KIFC3: variants seen among roughly 807,000 people sequenced by gnomAD.
KIFC3 encodes kinesin-like protein KIFC3.
KIFC3 carries 60 observed loss-of-function variants against 101.8 expected under a neutral mutation model. The ratio of observed to expected loss-of-function variants is 0.59; its 90% CI spans 0.48 to 0.73. The LOEUF is 0.73. Among genes scored for constraint, KIFC3 ranks in the 30% least tolerant of loss-of-function variants. The probability of loss-of-function intolerance (pLI) is 0.00; values close to 1 mark genes in which losing one functional copy is unlikely to be tolerated. For synonymous variants in KIFC3, 476 were observed against 482.7 expected (o/e 0.99, Z 0.18); for missense variants, 966 against 1,137.1 (o/e 0.85, Z 2.16).
At chr16:57,851,842 C>T (rs1292786164) in intron 1 of KIFC3, among the ~76,000 whole-genome samples, 7 of 145,174 alleles carry the variant, frequency 4.8e-5, no homozygotes, top group East Asian at 2.0e-4. Context: ...CAGGTTCACG[C>T]GATTCTCCTG....
At chr16:57,828,048 G>A (rs2055494801) in intron 1 of KIFC3, among the ~76,000 whole-genome samples, 1 of 152,198 alleles carries the variant, frequency 6.6e-6, no homozygotes, top group Non-Finnish European at 1.5e-5. Flanking sequence ...CCACCAGTAA[G>A]GAGCAGGCTG....
chr16:57,776,353 T>G, intron 3 of KIFC3: 1 of 985,224 alleles, frequency 1.0e-6, no homozygotes, highest in Non-Finnish European at 1.2e-6. Flanking sequence ...ATCTGTCCCC[T>G]GTCCACGCCA....
Position 57,813,827 on chromosome 16 carries a change from A to G in KIFC3, c.109-15545T>C, listed in dbSNP as rs1159580787. 7 of 985,310 alleles carry G rather than the reference A, an allele frequency of 7.1e-6. No homozygotes were observed. The African/African-American group carries it at 1.2e-4, about 17-fold the overall frequency. The allele number at this position is 985,310 out of a possible 1,614,324, so 61.0% of individuals were successfully genotyped here. ...AGGCATCTCCAGAGTCACAGCCTGAAGACAGAACCCCATGCTCTCCTGGAC... is the reference window on the plus strand; with the variant it reads ...AGGCATCTCCAGAGTCACAGCCTGAGGACAGAACCCCATGCTCTCCTGGAC... On this transcript the variant is annotated intron_variant, in intron 1 of 2. Transcript: ENST00000563028.
At position 57,780,520 on chromosome 16, in the gene KIFC3, A is replaced by AAT. The variant is rs1237659635; in HGVS notation, c.316-8234_316-8233dup. Among the ~76,000 whole-genome samples, 11 of 150,862 alleles carry AAT rather than the reference A, an allele frequency of 7.3e-5. No individual in the cohort carries two copies. In the East Asian group the frequency reaches 1.4e-3, roughly 19 times the overall value. On this transcript the variant is annotated intron_variant, in intron 3 of 19. Transcript: ENST00000445690. ...AGCAAGATTCTCTCTCAAGAAAAAA[A>AAT]ATATATATATATGCTTAAGATGGTA...
chr16:57,765,661 G>T, intron 10 of KIFC3, 21 bp from the exon 11 acceptor site: 1 of 1,598,968 alleles, frequency 6.3e-7, no homozygotes, highest in Non-Finnish European at 8.5e-7. Flanking sequence ...TGGGGATGGG[G>T]AAATGGGTCC....
intron 3 of KIFC3, among the ~76,000 whole-genome samples, chr16:57,777,253 G>A (rs1007048535): frequency 6.6e-6 from 1 of 152,216 alleles, no homozygotes; most frequent in East Asian, 1.9e-4. Context: ...ATTTAATATT[G>A]ATAAGGTGTC....
chr16:57,818,502 T>C (rs548200763), intron 1 of KIFC3, among the ~76,000 whole-genome samples: 9 of 152,136 alleles, frequency 5.9e-5, no homozygotes, highest in South Asian at 2.1e-4. Flanking sequence ...ATAGCGGGGA[T>C]TATAGGCATG....
At chr16:57,838,938 C>A (rs1333954317) in intron 1 of KIFC3, among the ~76,000 whole-genome samples, 3 of 152,156 alleles carry the variant, frequency 2.0e-5, no homozygotes, top group Non-Finnish European at 1.5e-5. Context: ...CTGGGAAACA[C>A]TGGGGAGGCC....
At chr16:57,842,999 GGT>G (rs2055843357) in intron 1 of KIFC3, among the ~76,000 whole-genome samples, 2 of 152,064 alleles carry the variant, frequency 1.3e-5, no homozygotes, top group Admixed American at 1.3e-4. Context: ...CAGGCATGGT[GGT>G]GCAAGCCTGT....
At chr16:57,777,657 G>T (rs1199081539) in intron 3 of KIFC3, among the ~76,000 whole-genome samples, 4 of 151,910 alleles carry the variant, frequency 2.6e-5, no homozygotes, top group Non-Finnish European at 5.9e-5. Context: ...AGAGGCAGAG[G>T]TCGCAGTGAG....
At chr16:57,797,275 G>A (rs550152139) in intron 2 of KIFC3, among the ~76,000 whole-genome samples, 5 of 152,302 alleles carry the variant, frequency 3.3e-5, no homozygotes, top group African/African-American at 4.8e-5. Context: ...TGTAGGTCAC[G>A]AGGGACAGGG....
At chr16:57,776,597 TATGCG>T (rs1555611983) in intron 3 of KIFC3, 1 of 180,638 alleles carries the variant, frequency 5.5e-6, no homozygotes, top group African/African-American at 2.4e-5. Flanking sequence ...CGAGATGATA[TATGCG>T]AAGGCAGGGA....
At chr16:57,847,053 C>T (rs1235891448) in intron 1 of KIFC3, among the ~76,000 whole-genome samples, 1 of 151,620 alleles carries the variant, frequency 6.6e-6, no homozygotes. Flanking sequence ...CGTGTGCTGG[C>T]GAACACCTGT....
At chr16:57,857,914 C>T (rs1347300806) in intron 1 of KIFC3, among the ~76,000 whole-genome samples, 1 of 145,622 alleles carries the variant, frequency 6.9e-6, no homozygotes, top group African/African-American at 2.5e-5. Flanking sequence ...GCAACTTCCG[C>T]CTCCTGGGTT....
intron 1 of KIFC3, among the ~76,000 whole-genome samples, chr16:57,810,011 G>A (rs1480142354): frequency 6.6e-6 from 1 of 152,080 alleles, no homozygotes; most frequent in Non-Finnish European, 1.5e-5. Context: ...ATCCCTGCCT[G>A]CTGTTAAGCC....
intron 1 of KIFC3, among the ~76,000 whole-genome samples, chr16:57,858,293 G>A (rs982841999): frequency 6.6e-6 from 1 of 152,118 alleles, no homozygotes; most frequent in African/African-American, 2.4e-5. Context: ...TCCATTATAT[G>A]TCTTCCCGGG....
chr16:57,773,511 G>T (rs1270358918), intron 3 of KIFC3, among the ~76,000 whole-genome samples: 1 of 152,196 alleles, frequency 6.6e-6, no homozygotes, highest in East Asian at 1.9e-4. Context: ...AAACTCAGCC[G>T]AGTGCACCAG....
At chr16:57,759,229 C>T (rs1160786578) in intron 18 of KIFC3, 76 bp from the exon 19 acceptor site, 1 of 1,507,664 alleles carries the variant, frequency 6.6e-7, no homozygotes. Context: ...GCTGCTGCTA[C>T]CCCTTTGGAC....
chr16:57,820,718 A>G (rs2055331349), intron 1 of KIFC3, among the ~76,000 whole-genome samples: 1 of 152,270 alleles, frequency 6.6e-6, no homozygotes, highest in Admixed American at 6.5e-5. Flanking sequence ...TCTCATGAAG[A>G]CAAGAGGCAA....
Sources: gnomAD v4.1 joint callset for allele counts (sites outside exome capture counted in the v4.1 genomes callset) on GRCh38, gnomAD v4.1.1 for gene constraint, MANE v1.5 for transcripts, NCBI Gene and HGNC (gene_info 2026-07-23, HGNC 2026-07-21) for gene names.